The following RBM25 variants were observed in gnomAD, a reference collection of about 807,000 sequenced individuals.
The protein encoded by RBM25 is RNA-binding protein 25.
RBM25 carries 19 observed loss-of-function variants against 120.7 expected under a neutral mutation model. The ratio of observed to expected loss-of-function variants is 0.16; its 90% CI spans 0.11 to 0.23. The LOEUF (loss-of-function observed/expected upper bound fraction) is 0.23, where lower values mean the gene tolerates loss of function less well. RBM25 is among the 10% of genes least tolerant of loss of function. The probability of loss-of-function intolerance (pLI) is 1.00; values close to 1 mark genes in which losing one functional copy is unlikely to be tolerated. For missense variants in RBM25, 605 were observed against 1,041.5 expected, an observed-to-expected ratio of 0.58 and a Z score of 5.77; for synonymous variants, 390 against 326.7, an observed-to-expected ratio of 1.19 and a Z score of -2.09.
chr14:73,117,977 A>G (rs1896470253), intron 18 of RBM25, among the ~76,000 whole-genome samples: 1 of 152,194 alleles, frequency 6.6e-6, no homozygotes, highest in African/African-American at 2.4e-5. Context: ...TGATGGGGAC[A>G]CAAGGACCCT....
chr14:73,119,853 T>C lies in RBM25; in HGVS notation c.*48T>C, dbSNP rs1226251405. Reference sequence around the variant, plus strand: ...ATTTCAGATTTCTTCTTTGCCACCCTTTTAAGGACTTTGAATTTTTCTTTG... The same window carrying C: ...ATTTCAGATTTCTTCTTTGCCACCCCTTTAAGGACTTTGAATTTTTCTTTG... On this transcript the variant is annotated 3_prime_UTR_variant, in exon 19 of 19. Transcript: ENST00000261973. 2 of 1,556,684 alleles carry C rather than the reference T, an allele frequency of 1.3e-6. No individual in the cohort carries two copies. Among genetic ancestry groups the C allele is most frequent in the African/African-American group, 1.4e-5 (1 of 71,694 alleles).
At chr14:73,106,470 A>G (rs541599864) in intron 12 of RBM25, among the ~76,000 whole-genome samples, 185 bp downstream of exon 12, 4 of 152,134 alleles carry the variant, frequency 2.6e-5, no homozygotes, top group Admixed American at 6.6e-5. Flanking sequence ...TTCCTCTTCA[A>G]ATTTTTGCTG....
rs1385839824 is a variant in RBM25 at position 73,119,814 on chromosome 14, A to G, written c.*9A>G. 2 of 1,598,570 alleles carry G rather than the reference A, an allele frequency of 1.3e-6. No homozygotes were observed. Among genetic ancestry groups the G allele is most frequent in the African/African-American group, 2.7e-5 (2 of 73,722 alleles). On this transcript the variant is annotated 3_prime_UTR_variant, in exon 19 of 19. Transcript: ENST00000261973. ...TTGGTCTTGTGAAGTAAAACTTTTT[A>G]TATTTAGAGTTCCATTTCAGATTTC...
At chr14:73,097,513 T>A (rs750704476) in intron 7 of RBM25, among the ~76,000 whole-genome samples, 2 of 152,178 alleles carry the variant, frequency 1.3e-5, no homozygotes, top group African/African-American at 4.8e-5. Context: ...TTTAAACTTT[T>A]TTACAGAGAC....
At chr14:73,103,630 G>GATTGCTCAGC in intron 10 of RBM25, 152 bp downstream of exon 10, 1 of 1,194,560 alleles carries the variant, frequency 8.4e-7, no homozygotes, top group Non-Finnish European at 1.1e-6. Context: ...CAGTGGCTGA[G>GATTGCTCAGC]CAATCTCCGC....
At chr14:73,080,624 T>G (rs889823396) in intron 4 of RBM25, among the ~76,000 whole-genome samples, 2 of 152,184 alleles carry the variant, frequency 1.3e-5, no homozygotes, top group Admixed American at 1.3e-4. Flanking sequence ...CTGTTCTTCA[T>G]AATTTTGATA....
chr14:73,062,311 T>G (rs1014698016), intron 1 of RBM25, among the ~76,000 whole-genome samples: 1 of 148,890 alleles, frequency 6.7e-6, no homozygotes, highest in African/African-American at 2.5e-5. Context: ...ATAAAACACT[T>G]TTTTTTTTCT....
chr14:73,117,210 C>A lies in RBM25; in HGVS notation c.2440-2503C>A, dbSNP rs10142675. Among the ~76,000 whole-genome samples the A allele has an allele frequency of 5.5e-3, 271 of 49,456 alleles. 3 individuals are homozygous for A. Among genetic ancestry groups the A allele is most frequent in the African/African-American group, 0.019 (248 of 13,264 alleles). The allele number at this position is 49,456 out of a possible 152,430, so 32.4% of individuals were successfully genotyped here. A position where few individuals can be genotyped will look rare whatever the true frequency, so the allele number is the denominator to read the frequency against. On this transcript the variant is annotated intron_variant, in intron 18 of 18. Coordinates refer to ENST00000261973, the MANE Select transcript of RBM25 (RefSeq NM_021239.3). ...TTTCTTTTAATTTCTTTCTTCTTTTCTTTTTTTTTTTTTTTTTTTTTTTTT... is the reference window on the plus strand; with the variant it reads ...TTTCTTTTAATTTCTTTCTTCTTTTATTTTTTTTTTTTTTTTTTTTTTTTT...
At chr14:73,069,778 A>AAAAAAAAAAAT (rs1566582087) in intron 1 of RBM25, 1 of 132,724 alleles carries the variant, frequency 7.5e-6, no homozygotes, top group Non-Finnish European at 1.6e-5. Context: ...AAAAAAAAAA[A>AAAAAAAAAAAT]AGTGTGTTGC....
chr14:73,085,138 C>G (rs1273189855), intron 5 of RBM25, among the ~76,000 whole-genome samples: 1 of 152,062 alleles, frequency 6.6e-6, no homozygotes, highest in Non-Finnish European at 1.5e-5. Context: ...CCAGCCTCAG[C>G]CTCCCGAGTA....
chr14:73,083,135 A>G (rs150799902), intron 4 of RBM25, among the ~76,000 whole-genome samples: 116 of 152,254 alleles, frequency 7.6e-4, no homozygotes, highest in African/African-American at 2.7e-3. Context: ...ACATTTCTTT[A>G]TAGATTCATA....
At chr14:73,081,434 T>G (rs1446715898) in intron 4 of RBM25, among the ~76,000 whole-genome samples, 1 of 152,180 alleles carries the variant, frequency 6.6e-6, no homozygotes, top group Non-Finnish European at 1.5e-5. Context: ...TTTCTAGAGC[T>G]CCTCCTGTCA....
rs935077263 is a variant in RBM25, at chr14:73,117,733, A to G, written c.2440-1980A>G. ...ATCGCTAGTAAGAGGCAGCAGTGCA[A>G]TTTGAACCTATGTAGCCTGACTAGA... On this transcript the variant is annotated intron_variant, in intron 18 of 18. Coordinates refer to ENST00000261973, the MANE Select transcript of RBM25 (RefSeq NM_021239.3). Among the ~76,000 whole-genome samples, 16 of 152,164 alleles carry G rather than the reference A, an allele frequency of 1.1e-4. 1 individual carries two copies. Among genetic ancestry groups the G allele is most frequent in the Admixed American group, 1.0e-3 (16 of 15,266 alleles).
chr14:73,106,358 T>G, intron 12 of RBM25, 73 bp downstream of exon 12: 1 of 1,162,310 alleles, frequency 8.6e-7, no homozygotes, highest in Non-Finnish European at 1.2e-6. Flanking sequence ...TAACTACAAG[T>G]AACTTAATAA....
chr14:73,089,738 C>T (rs1895768463), intron 6 of RBM25, among the ~76,000 whole-genome samples: 1 of 151,756 alleles, frequency 6.6e-6, no homozygotes, highest in Non-Finnish European at 1.5e-5. Context: ...GCGACCTTAG[C>T]TCACTGCAAC....
intron 6 of RBM25, among the ~76,000 whole-genome samples, chr14:73,092,621 G>A (rs928836934): frequency 6.8e-6 from 1 of 147,376 alleles, no homozygotes; most frequent in African/African-American, 2.5e-5. Flanking sequence ...TGTTCACCAC[G>A]TGCAGGTTTG....
chr14:73,075,153 G>T (rs1895385411), intron 2 of RBM25, among the ~76,000 whole-genome samples: 1 of 151,800 alleles, frequency 6.6e-6, no homozygotes, highest in Admixed American at 6.6e-5. Flanking sequence ...CTACAAGCAT[G>T]ATTTTATTTA....
rs539156961 is a variant in RBM25, at chr14:73,079,156, C to T, written c.324+1620C>T. Among the ~76,000 whole-genome samples, 4 of 150,160 alleles carry T rather than the reference C, an allele frequency of 2.7e-5. No homozygotes were observed. In the Admixed American group the frequency reaches 2.7e-4, roughly 10 times the overall value. Reference sequence around the variant, plus strand: ...AATAAAATAAGGCCAGGTGCGGTGTCTCACACCTGTAATCCCGGCACTTTG... The same window carrying T: ...AATAAAATAAGGCCAGGTGCGGTGTTTCACACCTGTAATCCCGGCACTTTG... On this transcript the variant is annotated intron_variant, in intron 4 of 18. Coordinates refer to ENST00000261973, the MANE Select transcript of RBM25 (RefSeq NM_021239.3).
chr14:73,076,254 T>A (rs1895418390), intron 2 of RBM25, 65 bp from the exon 3 acceptor site: 1 of 1,284,092 alleles, frequency 7.8e-7, no homozygotes, highest in Non-Finnish European at 1.1e-6. Context: ...GGATACTTAA[T>A]TGTGTGGCAT....
Sources: allele counts gnomAD v4.1 joint callset (sites outside exome capture counted in the v4.1 genomes callset), GRCh38; gene constraint gnomAD v4.1.1; transcripts MANE v1.5; gene names NCBI Gene and HGNC (gene_info 2026-07-23, HGNC 2026-07-21).